AIFM2: variants seen among roughly 807,000 people sequenced by gnomAD.
AIFM2 encodes the protein ferroptosis suppressor protein 1.
A neutral mutation model predicts 35.7 loss-of-function variants in AIFM2; 38 were observed. The ratio of observed to expected loss-of-function variants is 1.06; its 90% confidence interval spans 0.82 to 1.39. The LOEUF (loss-of-function observed/expected upper bound fraction) is 1.39, where lower values mean the gene tolerates loss of function less well. AIFM2 is among the 40% of genes most tolerant of loss of function. The pLI, the probability that AIFM2 is intolerant of heterozygous loss-of-function variation, is 0.00. For synonymous variants in AIFM2, 185 were observed against 203.5 expected, an observed-to-expected ratio of 0.91 and a Z score of 0.77; for missense variants, 476 against 491.2, an observed-to-expected ratio of 0.97 and a Z score of 0.29.
chr10:70,123,309 G>A lies in AIFM2; in HGVS notation c.294+96C>T, dbSNP rs541730900. 21 of 1,075,520 alleles carry A rather than the reference G, an allele frequency of 2.0e-5. No individual in the cohort carries two copies. In the South Asian group the frequency reaches 2.1e-4, roughly 11 times the overall value. 66.6% of individuals were successfully genotyped at this position (1,075,520 alleles called of 1,614,324 possible). ...GCTGAGATTACAGGTGTGAGCCACCGCCCCCAGCCTAGCTCTCTCTTGACC... is the reference window on the plus strand; with the variant it reads ...GCTGAGATTACAGGTGTGAGCCACCACCCCCAGCCTAGCTCTCTCTTGACC... On this transcript the variant is annotated intron_variant, in intron 3 of 8. Transcript: ENST00000307864.
chr10:70,130,716 G>T (rs577434487), intron 1 of AIFM2, among the ~76,000 whole-genome samples: 1 of 152,258 alleles, frequency 6.6e-6, no homozygotes, highest in Admixed American at 6.5e-5. Flanking sequence ...ATGGTAACTT[G>T]AAGTTTAACT....
At chr10:70,123,544 T>C in intron 2 of AIFM2, 24 bp from the exon 3 acceptor site, 1 of 1,604,792 alleles carries the variant, frequency 6.2e-7, no homozygotes, top group Non-Finnish European at 8.5e-7. Context: ...ACAGAAGAGG[T>C]CATAGGGCAG....
In AIFM2 at chr10:70,117,869, A is replaced by AG; in HGVS notation, c.558dup (p.Ser187LeufsTer21). 6.2e-7 allele frequency: 1 copy of AG among 1,605,202 alleles called. No individual in the cohort carries two copies. The highest frequency in any genetic ancestry group is 1.1e-5 in the South Asian group (1 of 89,972). ...ATCTCCTTCACTTCCTGCCGGACGG[A>AG]GGGCAGGAGCTCCTTGTCAGCCAGG... On this transcript the variant is annotated frameshift_variant, in exon 6 of 9. Transcript: ENST00000307864. LOFTEE classifies it high-confidence loss of function. This position sits in a 1 kb window ranked among gnomAD's most constrained non-coding sequence, Gnocchi z 4.7.
At chr10:70,120,690 G>T in intron 4 of AIFM2, 91 bp from the exon 5 acceptor site, 1 of 1,429,944 alleles carries the variant, frequency 7.0e-7, no homozygotes, top group African/African-American at 1.4e-5. Flanking sequence ...GTGGCTCCCT[G>T]GGCCAAAGGA....
intron 2 of AIFM2, 22 bp downstream of exon 2, chr10:70,123,885 G>T: frequency 2.6e-6 from 4 of 1,529,296 alleles, no homozygotes; most frequent in Non-Finnish European, 3.5e-6. Flanking sequence ...CACAGAGACA[G>T]CCCCAGACGG....
At chr10:70,115,229 G>A (rs1221653465) in intron 7 of AIFM2, 109 bp from the exon 8 acceptor site, 8 of 1,220,110 alleles carry the variant, frequency 6.6e-6, no homozygotes, top group Non-Finnish European at 8.1e-6. Flanking sequence ...TGCTGGTCAG[G>A]TCACCCTCCT....
rs149320515 is a variant in AIFM2 at position 70,120,577 on chromosome 10, A to G, written c.437T>C (p.Val146Ala). 9.3e-6 allele frequency: 15 copies of G among 1,614,028 alleles called. No individual in the cohort carries two copies. The highest frequency in any genetic ancestry group is 1.1e-5 in the Non-Finnish European group (13 of 1,180,012). ...TCCAGCCGAGCCTCCTCCCACCACC[A>G]CGATGAACCGTGAGCGCTGGACCTG... is the stretch of plus-strand genomic sequence containing the variant. ...VRQVQRSRFI[V>A]VVGGGSAGVE... The change falls in exon 5 of 9, where the codon GTG (valine) becomes GCG (alanine). Residue 146 changes from valine (V) to alanine (A), a missense_variant. Val to Ala is a moderately conservative substitution (Grantham distance 64). Coordinates refer to ENST00000307864, the MANE Select transcript of AIFM2 (RefSeq NM_032797.6).
At chr10:70,121,305 GC>G in intron 3 of AIFM2, 94 bp from the exon 4 acceptor site, 22 of 1,406,938 alleles carry the variant, frequency 1.6e-5, no homozygotes, top group Non-Finnish European at 2.0e-5. Flanking sequence ...CCTACTCCCG[GC>G]CTGCCAGCCG....
intron 3 of AIFM2, 126 bp from the exon 4 acceptor site, chr10:70,121,337 C>G (rs1388349611): frequency 7.3e-7 from 1 of 1,376,838 alleles, no homozygotes; most frequent in African/African-American, 1.5e-5. Context: ...GGCAAAGAGG[C>G]CCCTCTAGGC....
chr10:70,119,860 A>G (rs1473283781), intron 5 of AIFM2, among the ~76,000 whole-genome samples: 2 of 152,150 alleles, frequency 1.3e-5, no homozygotes, highest in Non-Finnish European at 2.9e-5. Context: ...GGGTGCCAGG[A>G]TTTCCTCTTT....
At chr10:70,120,229 C>T (rs527483609) in intron 5 of AIFM2, among the ~76,000 whole-genome samples, 1 of 152,200 alleles carries the variant, frequency 6.6e-6, no homozygotes, top group Non-Finnish European at 1.5e-5. Flanking sequence ...AGGTATTGCC[C>T]CTGGGCTTGA....
Position 70,121,021 on chromosome 10 carries a change from C to CA in AIFM2, c.414+70dup, listed in dbSNP as rs531187287. On this transcript the variant is annotated intron_variant, in intron 4 of 8. Coordinates refer to ENST00000307864, the MANE Select transcript of AIFM2 (RefSeq NM_032797.6). ...GAGTAACCCCGTGGCCTCCCAGCTG[C>CA]AGGCCTAGGCATCCCCAAGGCTGTC... 79 of 1,554,054 alleles carry CA rather than the reference C, an allele frequency of 5.1e-5. No homozygotes were observed. In the East Asian group the frequency reaches 1.3e-3, roughly 26 times the overall value.
Position 70,123,916 on chromosome 10 carries a change from C to A in AIFM2, c.169G>T (p.Val57Leu), listed in dbSNP as rs748754577. The A allele has an allele frequency of 3.2e-6, 5 of 1,584,196 alleles. No individual in the cohort carries two copies. The highest frequency in any genetic ancestry group is 4.3e-6 in the Non-Finnish European group (5 of 1,160,034). The change falls in exon 2 of 9, where the codon GTG becomes TTG. Residue 57 changes from valine to leucine, a missense_variant. By Grantham distance (32) the Val-to-Leu change is conservative. Transcript: ENST00000307864. ...GACGGGAGCACATTACCTGTCTCCA[C>A]GGAGGCTCGGAGAGCAGCCACATTG... ...HHNVAALRASVETGFAKKTFI... is the reference protein window; with the variant it reads ...HHNVAALRASLETGFAKKTFI...
At chr10:70,122,699 G>A (rs1487573953) in intron 3 of AIFM2, among the ~76,000 whole-genome samples, 2 of 152,258 alleles carry the variant, frequency 1.3e-5, no homozygotes, top group African/African-American at 4.8e-5. Context: ...TGTCTGGGAC[G>A]CTGGCTTTTA....
At chr10:70,128,849 G>A (rs2136668184) in intron 1 of AIFM2, among the ~76,000 whole-genome samples, 1 of 152,166 alleles carries the variant, frequency 6.6e-6, no homozygotes, top group East Asian at 1.9e-4. Flanking sequence ...CACACACAAA[G>A]ACACACATAC....
intron 1 of AIFM2, among the ~76,000 whole-genome samples, chr10:70,124,974 C>A (rs768952514): frequency 3.3e-5 from 5 of 152,120 alleles, no homozygotes; most frequent in Non-Finnish European, 4.4e-5. Context: ...ACGGTCTCCA[C>A]CCTCATGAAT....
rs778064191 is a variant in AIFM2 at position 70,121,133 on chromosome 10, G to C, written c.373C>G (p.Gln125Glu). The change falls in exon 4 of 9, where the codon CAG becomes GAG. Residue 125 changes from glutamine to glutamate, a missense_variant. By Grantham distance (29) the Gln-to-Glu change is conservative. Transcript: ENST00000307864. Reference sequence around the variant, plus strand: ...TCATAGGCCTGGATAGCGGCCTGCTGGCTGGAAACCTCATTAAACTTGCCC... The same window carrying C: ...TCATAGGCCTGGATAGCGGCCTGCTCGCTGGAAACCTCATTAAACTTGCCC... The part of the protein sequence containing the change: ...FPGKFNEVSS[Q>E]QAAIQAYEDM... 23 of 1,611,734 alleles carry C rather than the reference G, an allele frequency of 1.4e-5. No individual in the cohort carries two copies. Among genetic ancestry groups the C allele is most frequent in the Non-Finnish European group, 1.9e-5 (23 of 1,179,588 alleles).
Position 70,114,313 on chromosome 10 carries a change from G to A in AIFM2, c.987C>T (p.Leu329=), listed in dbSNP as rs752662377. Residue 329 remains leucine, a synonymous_variant, in exon 9 of 9, where the codon CTC becomes CTT. Coordinates refer to ENST00000307864, the MANE Select transcript of AIFM2 (RefSeq NM_032797.6). The part of the protein sequence containing the change: ...QAYKPGALTF[L]LSMGRNDGVG... ...CACCGTCATTTCTCCCCATGGACAG[G>A]AGGAACGTCAGTGCACCTGCAAGCA... is the stretch of plus-strand genomic sequence containing the variant. 10 of 1,613,840 alleles carry A rather than the reference G, an allele frequency of 6.2e-6. No homozygotes were observed. In the African/African-American group the frequency reaches 6.7e-5, roughly 11 times the overall value.
chr10:70,123,704 GA>G (rs2072535058), intron 2 of AIFM2, among the ~76,000 whole-genome samples, 184 bp from the exon 3 acceptor site: 8 of 152,170 alleles, frequency 5.3e-5, no homozygotes, highest in Admixed American at 3.3e-4. Flanking sequence ...CAGACCGTCA[GA>G]AAAGCTCAAG....
Sources: gnomAD v4.1 joint callset for allele counts (sites outside exome capture counted in the v4.1 genomes callset) on GRCh38, gnomAD v4.1.1 for gene constraint, Gnocchi (gnomAD v3.1) non-coding constraint, MANE v1.5 for transcripts, NCBI Gene and HGNC (gene_info 2026-07-23, HGNC 2026-07-21) for gene names.